CACNA1C: variants seen among roughly 807,000 people sequenced by gnomAD.
CACNA1C encodes the protein voltage-dependent L-type calcium channel subunit alpha-1C.
CACNA1C carries 30 observed loss-of-function variants against 229.0 expected under a neutral mutation model. The ratio of observed to expected loss-of-function variants is 0.13; its 90% CI spans 0.10 to 0.18. The LOEUF is 0.18. Ranked by LOEUF, CACNA1C falls within the 10% of genes least tolerant of loss-of-function variation. The pLI is 1.00. For synonymous variants in CACNA1C, 1,114 were observed against 1,132.5 expected (o/e 0.98, Z 0.33); for missense variants, 1,658 against 2,845.0 (o/e 0.58, Z 9.49).
intron 3 of CACNA1C, among the ~76,000 whole-genome samples, chr12:2,373,797 C>A (rs535536539): frequency 6.6e-6 from 1 of 152,316 alleles, no homozygotes; most frequent in South Asian, 2.1e-4. Context: ...AAGATATTTG[C>A]CACCCTTCTT....
chr12:2,439,924 C>T (rs971842924), intron 3 of CACNA1C, among the ~76,000 whole-genome samples: 7 of 152,038 alleles, frequency 4.6e-5, no homozygotes. Flanking sequence ...GCAGCAGGCA[C>T]CTTCTAGCAG....
chr12:2,588,577 C>T (rs1052475210), intron 18 of CACNA1C, among the ~76,000 whole-genome samples: 1 of 152,174 alleles, frequency 6.6e-6, no homozygotes, highest in Non-Finnish European at 1.5e-5. Context: ...CTCGCATGAC[C>T]GCGAATACTC....
In CACNA1C at chr12:2,152,064, A is replaced by G. The variant is rs112172295; in HGVS notation, c.477+31634A>G. ...AAACTTGAAACTCAGTCTCATTGCT[A>G]TTTGTGGTAATGGTCATTTAGTTTC... On this transcript the variant is annotated intron_variant, in intron 3 of 46. Transcript: ENST00000399655. The surrounding 1 kb of genome is among the most constrained non-coding windows in gnomAD (Gnocchi z 4.2). 6.6e-6 allele frequency among the ~76,000 whole-genome samples: 1 copy of G among 152,120 alleles called. No homozygotes were observed. The highest frequency in any genetic ancestry group is 1.5e-5 in the Non-Finnish European group (1 of 68,026).
rs2096874181 is a variant in CACNA1C at position 2,677,335 on chromosome 12, G to A, written c.4956+114G>A. The A allele has an allele frequency of 2.5e-6, 3 of 1,192,958 alleles. No individual in the cohort carries two copies. Among genetic ancestry groups the A allele is most frequent in the Non-Finnish European group, 3.5e-6 (3 of 860,360 alleles). 73.9% of individuals were successfully genotyped at this position (1,192,958 alleles called of 1,614,324 possible). On this transcript the variant is annotated intron_variant, in intron 40 of 46. Transcript: ENST00000399655. The surrounding 1 kb of genome is among the most constrained non-coding windows in gnomAD (Gnocchi z 7.4). The stretch of plus-strand genomic sequence containing the variant: ...GCTGGAGGCCAGGTCCCTGCAGAGG[G>A]AACCTTTCAGAGAGCTCCAGACCTT...
At chr12:2,226,901 C>A (rs1364841743) in intron 3 of CACNA1C, among the ~76,000 whole-genome samples, 2 of 152,254 alleles carry the variant, frequency 1.3e-5, no homozygotes, top group Non-Finnish European at 2.9e-5. Context: ...GGCAATAAAT[C>A]TGAAAGGGAT....
chr12:2,357,534 A>G (rs2097409548), intron 3 of CACNA1C, among the ~76,000 whole-genome samples: 1 of 152,120 alleles, frequency 6.6e-6, no homozygotes, highest in African/African-American at 2.4e-5. Context: ...CTAGCTGTTC[A>G]TAATTGCTAA....
At chr12:2,177,587 C>CCCTCCCTCCCTCCCTCCCTCCCTCCTT (rs750852324) in intron 3 of CACNA1C, among the ~76,000 whole-genome samples, 5 of 78,524 alleles carry the variant, frequency 6.4e-5, no homozygotes, top group South Asian at 6.4e-4. Flanking sequence ...CTCCCTCCCT[C>CCCTCCCTCCCTCCCTCCCTCCCTCCTT]CCTTCCTTCC....
intron 3 of CACNA1C, among the ~76,000 whole-genome samples, chr12:2,143,038 C>G (rs1341530799): frequency 6.6e-6 from 1 of 150,548 alleles, no homozygotes; most frequent in Non-Finnish European, 1.5e-5. Flanking sequence ...TGCAATGGTG[C>G]TATCTTGGCT....
chr12:2,037,398 G>A (rs1392228920), intron 1 of CACNA1C, among the ~76,000 whole-genome samples: 1 of 152,176 alleles, frequency 6.6e-6, no homozygotes, highest in Non-Finnish European at 1.5e-5. Flanking sequence ...CTCACTGTCC[G>A]CTAACAGCAA....
chr12:2,070,915 C>T (rs960706296), intron 1 of CACNA1C, among the ~76,000 whole-genome samples: 3 of 148,482 alleles, frequency 2.0e-5, no homozygotes, highest in African/African-American at 7.5e-5. Context: ...CTCTCTCCTT[C>T]CTTCCTCCTT....
intron 1 of CACNA1C, among the ~76,000 whole-genome samples, chr12:2,044,008 A>G (rs12823686): frequency 6.6e-6 from 1 of 152,224 alleles, no homozygotes; most frequent in South Asian, 2.1e-4. Context: ...TATGGGTGGC[A>G]TTGGTCAATT....
intron 37 of CACNA1C, among the ~76,000 whole-genome samples, chr12:2,667,324 G>GACCCCCCTTTTCTCC (rs59787731): frequency 6.6e-6 from 1 of 152,112 alleles, no homozygotes; most frequent in African/African-American, 2.4e-5. Flanking sequence ...GCCATTCCGT[G>GACCCCCCTTTTCTCC]CTCCTTGTTG....
In CACNA1C at chr12:2,512,706, A is replaced by G. The variant is rs574326284; in HGVS notation, c.1218-106A>G. On this transcript the variant is annotated intron_variant, in intron 8 of 46. Transcript: ENST00000399655. This position sits in a 1 kb window ranked among gnomAD's most constrained non-coding sequence, Gnocchi z 4.3. ...GGTTTCTCCCTGCAAAGCAATTAAG[A>G]CTCTTGTTTCTCCTTATCTCCATCT... 4.1e-5 allele frequency: 35 copies of G among 844,710 alleles called. No homozygotes were observed. The African/African-American group carries it at 6.0e-4, about 14-fold the overall frequency. The allele number at this position is 844,710 out of a possible 1,614,324, so 52.3% of individuals were successfully genotyped here. A position where few individuals can be genotyped will look rare whatever the true frequency, so the allele number is the denominator to read the frequency against.
chr12:2,057,714 C>T (rs954687934), intron 1 of CACNA1C, among the ~76,000 whole-genome samples: 10 of 152,196 alleles, frequency 6.6e-5, no homozygotes, highest in African/African-American at 1.7e-4. Flanking sequence ...AGACAGCATC[C>T]CGCCGAGCCT....
At chr12:2,316,770 G>A (rs982060168) in intron 3 of CACNA1C, among the ~76,000 whole-genome samples, 4 of 152,200 alleles carry the variant, frequency 2.6e-5, no homozygotes, top group South Asian at 2.1e-4. Context: ...GGCAGCCTGC[G>A]TGACTGTGCG....
chr12:2,500,776 T>C lies in CACNA1C; in HGVS notation c.1114-4066T>C, dbSNP rs1263358291. ...AGTTGTTTGGAGTAGGTCAGTACCA[T>C]GGGGTTCTGCACGCGCTTCAGGGTG... On this transcript the variant is annotated intron_variant, in intron 7 of 46. Coordinates refer to ENST00000399655, the MANE Select transcript of CACNA1C (RefSeq NM_000719.7). Among the ~76,000 whole-genome samples, 3 of 152,122 alleles carry C rather than the reference T, an allele frequency of 2.0e-5. No homozygotes were observed. In the East Asian group the frequency reaches 5.8e-4, roughly 29 times the overall value.
intron 3 of CACNA1C, among the ~76,000 whole-genome samples, chr12:2,194,683 G>A (rs754859494): frequency 4.6e-5 from 7 of 152,068 alleles, no homozygotes; most frequent in Non-Finnish European, 8.8e-5. Context: ...CCTTATCTGA[G>A]CTGCTTTCCT....
At chr12:2,294,884 C>T (rs1334709771) in intron 3 of CACNA1C, among the ~76,000 whole-genome samples, 1 of 152,074 alleles carries the variant, frequency 6.6e-6, no homozygotes, top group Non-Finnish European at 1.5e-5. Context: ...ACATGGTGCT[C>T]AGTGAGTCAC....
Position 2,677,676 on chromosome 12 carries a change from C to T in CACNA1C, c.4957-57C>T. The T allele has an allele frequency of 6.4e-7, 1 of 1,572,206 alleles. No individual in the cohort carries two copies. The highest frequency in any genetic ancestry group is 8.6e-7 in the Non-Finnish European group (1 of 1,158,362). On this transcript the variant is annotated intron_variant, in intron 40 of 46. Coordinates refer to ENST00000399655, the MANE Select transcript of CACNA1C (RefSeq NM_000719.7). This position sits in a 1 kb window ranked among gnomAD's most constrained non-coding sequence, Gnocchi z 7.4. ...GGTCTTGGCCCGAGGCTGTGGCTGG[C>T]TGGGGAGCTTGGAGGAAAGGGAGCG...
Sources: allele counts gnomAD v4.1 joint callset (sites outside exome capture counted in the v4.1 genomes callset), GRCh38; gene constraint gnomAD v4.1.1; non-coding constraint Gnocchi (gnomAD v3.1); transcripts MANE v1.5; gene names NCBI Gene and HGNC (gene_info 2026-07-23, HGNC 2026-07-21).